RBFOX1: variants seen among roughly 807,000 people sequenced by gnomAD.
The protein encoded by RBFOX1 is RNA binding fox-1 homolog 1.
RBFOX1 carries 8 observed loss-of-function variants against 57.7 expected under a neutral mutation model. The ratio of observed to expected loss-of-function variants is 0.14; its 90% CI spans 0.08 to 0.25. The LOEUF (loss-of-function observed/expected upper bound fraction) is 0.25. RBFOX1 is among the 10% of genes least tolerant of loss of function. RBFOX1 has a pLI of 1.00. For missense variants in RBFOX1, 611 were observed against 548.5 expected, an observed-to-expected ratio of 1.11 and a Z score of -1.14; for synonymous variants, 326 against 222.4, an observed-to-expected ratio of 1.47 and a Z score of -4.15.
chr16:6,939,055 G>A (rs1217348562), intron 3 of RBFOX1, among the ~76,000 whole-genome samples: 1 of 152,148 alleles, frequency 6.6e-6, no homozygotes, highest in African/African-American at 2.4e-5. Flanking sequence ...GAATATCAAT[G>A]CTACCATGGG....
chr16:6,569,794 T>A (rs1229164151), intron 2 of RBFOX1, among the ~76,000 whole-genome samples: 1 of 152,184 alleles, frequency 6.6e-6, no homozygotes, highest in Non-Finnish European at 1.5e-5. Context: ...AGTGGCTGAA[T>A]TCCACGGCTG....
chr16:6,087,824 T>C (rs2096111110), intron 1 of RBFOX1, among the ~76,000 whole-genome samples: 1 of 152,168 alleles, frequency 6.6e-6, no homozygotes, highest in Non-Finnish European at 1.5e-5. Flanking sequence ...AGTTAATTTT[T>C]GTACTTTTAG....
chr16:7,672,811 G>A (rs2071925326), intron 13 of RBFOX1, among the ~76,000 whole-genome samples: 1 of 121,754 alleles, frequency 8.2e-6, no homozygotes, highest in Non-Finnish European at 1.6e-5. Context: ...AGATTGCAGT[G>A]AGCCGAGATT....
intron 3 of RBFOX1, among the ~76,000 whole-genome samples, chr16:7,017,340 C>T (rs551117006): frequency 4.3e-4 from 65 of 152,170 alleles, no homozygotes; most frequent in Non-Finnish European, 8.5e-4. Context: ...TCTATCTTGG[C>T]GGGTGCATAT....
chr16:7,030,241 A>G (rs2042442626), intron 3 of RBFOX1, among the ~76,000 whole-genome samples: 1 of 152,142 alleles, frequency 6.6e-6, no homozygotes, highest in East Asian at 1.9e-4. Context: ...AGTGACACAG[A>G]TGGGATGGAG....
intron 1 of RBFOX1, among the ~76,000 whole-genome samples, chr16:5,253,356 T>G (rs1406145225): frequency 6.6e-6 from 1 of 152,182 alleles, no homozygotes; most frequent in Non-Finnish European, 1.5e-5. Flanking sequence ...TTCACCATGT[T>G]GGCCAGGCTG....
chr16:7,099,579 C>T (rs777383792), intron 4 of RBFOX1, among the ~76,000 whole-genome samples: 1 of 152,136 alleles, frequency 6.6e-6, no homozygotes, highest in South Asian at 2.1e-4. Flanking sequence ...TAAGGTTGCA[C>T]CCTTGACACA....
chr16:6,971,093 T>A (rs778473512), intron 3 of RBFOX1, among the ~76,000 whole-genome samples: 105 of 152,274 alleles, frequency 6.9e-4, no homozygotes, highest in Non-Finnish European at 1.2e-3. Flanking sequence ...CCTGATTGGA[T>A]GGTAGTTATA....
chr16:6,615,056 C>T (rs944179700), intron 2 of RBFOX1, among the ~76,000 whole-genome samples: 1 of 152,174 alleles, frequency 6.6e-6, no homozygotes, highest in Admixed American at 6.5e-5. Flanking sequence ...GAGCCCTGTG[C>T]TGCAGACGAG....
At chr16:7,377,622 C>T (rs561039942) in intron 4 of RBFOX1, among the ~76,000 whole-genome samples, 21 of 152,242 alleles carry the variant, frequency 1.4e-4, no homozygotes, top group African/African-American at 4.6e-4. Flanking sequence ...AACTTTATAG[C>T]GCTTGAATGT....
chr16:6,289,807 C>A (rs534651434), intron 1 of RBFOX1, among the ~76,000 whole-genome samples: 77 of 152,156 alleles, frequency 5.1e-4, no homozygotes, highest in African/African-American at 1.8e-3. Flanking sequence ...GGAGTTAAGG[C>A]CATCAGTAAA....
intron 1 of RBFOX1, among the ~76,000 whole-genome samples, chr16:6,307,645 A>G (rs1252545126): frequency 6.8e-6 from 1 of 147,882 alleles, no homozygotes. Context: ...AATGATATTT[A>G]TGATTTATAT....
Position 6,896,172 on chromosome 16 carries a change from C to G in RBFOX1, c.-15-155885C>G, listed in dbSNP as rs138802109. Among the ~76,000 whole-genome samples the G allele has an allele frequency of 8.3e-3, 1,268 of 152,186 alleles. 15 individuals carry two copies. Among genetic ancestry groups the G allele is most frequent in the Non-Finnish European group, 1.0e-2 (677 of 68,020 alleles). ...TCTGTAATCCCAGCTACTCAGGAGG[C>G]TGAGGCAGGAGAATCACTTGAACCT... On this transcript the variant is annotated intron_variant, in intron 3 of 15. Coordinates refer to ENST00000550418, the MANE Select transcript of RBFOX1 (RefSeq NM_018723.4).
chr16:7,653,944 G>A lies in RBFOX1; in HGVS notation c.887G>A (p.Gly296Asp), dbSNP rs2065692772. Residue 296 changes from glycine to aspartate, a missense_variant, in exon 12 of 16, where the codon GGC becomes GAC. Gly to Asp is a moderately conservative substitution (Grantham distance 94, BLOSUM62 -1). This residue lies in a region of RBFOX1 where 267 missense variants were observed against 229.1 expected (regional missense o/e 1.17). Coordinates refer to ENST00000550418, the MANE Select transcript of RBFOX1 (RefSeq NM_018723.4). ...AAPPPPIPAY[G>D]GVVYQDGFYG... ...CCCCCGCCCCCGATCCCGGCCTACG[G>A]CGGGTAAGTGGGGCAGCCTCCTGGG... 6.6e-7 allele frequency: 1 copy of A among 1,521,066 alleles called. No individual in the cohort carries two copies. Among genetic ancestry groups the A allele is most frequent in the Non-Finnish European group, 8.8e-7 (1 of 1,142,022 alleles). The allele number at this position is 1,521,066 out of a possible 1,614,324, so 94.2% of individuals were successfully genotyped here.
In RBFOX1 at chr16:6,558,346, C is replaced by T. The variant is rs201124572; in HGVS notation, c.-63-96257C>T. On this transcript the variant is annotated intron_variant, in intron 2 of 15. Coordinates refer to ENST00000550418, the MANE Select transcript of RBFOX1 (RefSeq NM_018723.4). ...GCCGCTGCTGCTGCTGCTCCTGGCACCCCTGCTGAGATCAGCTCAGTGCAG... is the reference window on the plus strand; with the variant it reads ...GCCGCTGCTGCTGCTGCTCCTGGCATCCCTGCTGAGATCAGCTCAGTGCAG... Among the ~76,000 whole-genome samples, 9 of 152,244 alleles carry T rather than the reference C, an allele frequency of 5.9e-5. No homozygotes were observed. In the East Asian group the frequency reaches 1.7e-3, roughly 30 times the overall value.
At chr16:6,630,331 C>G (rs550827520) in intron 2 of RBFOX1, among the ~76,000 whole-genome samples, 11 of 152,238 alleles carry the variant, frequency 7.2e-5, no homozygotes, top group African/African-American at 2.2e-4. Flanking sequence ...ATTTCAAAAT[C>G]CATCCATCCA....
At chr16:6,106,968 G>T (rs1257897696) in intron 1 of RBFOX1, among the ~76,000 whole-genome samples, 1 of 152,134 alleles carries the variant, frequency 6.6e-6, no homozygotes, top group African/African-American at 2.4e-5. Flanking sequence ...ACCATGCCTG[G>T]CCACCCCTCC....
At position 5,366,288 on chromosome 16, in the gene RBFOX1, C is replaced by T. The variant is rs565096534; in HGVS notation, c.220-100928C>T. On this transcript the variant is annotated intron_variant, in intron 1 of 2. Coordinates refer to the RBFOX1 transcript ENST00000585867. ...TGCTGCCGATGAAGATGATGCTGGTCATGACGATTTTGATGATGATGAAGA... is the reference window on the plus strand; with the variant it reads ...TGCTGCCGATGAAGATGATGCTGGTTATGACGATTTTGATGATGATGAAGA... 1.0e-3 allele frequency: 367 copies of T among 368,614 alleles called. 2 individuals are homozygous for T. Among genetic ancestry groups the T allele is most frequent in the Non-Finnish European group, 1.4e-3 (263 of 190,840 alleles). The allele number at this position is 368,614 out of a possible 1,614,324, so 22.8% of individuals were successfully genotyped here.
intron 5 of RBFOX1, among the ~76,000 whole-genome samples, chr16:7,538,437 T>G (rs529828714): frequency 6.6e-6 from 1 of 152,308 alleles, no homozygotes; most frequent in Non-Finnish European, 1.5e-5. Flanking sequence ...CAACTTCTAT[T>G]ACTATTATAG....
Sources: allele counts gnomAD v4.1 joint callset (sites outside exome capture counted in the v4.1 genomes callset), GRCh38; gene constraint gnomAD v4.1.1; regional missense constraint gnomAD v4.1.1; transcripts MANE v1.5; gene names NCBI Gene and HGNC (gene_info 2026-07-23, HGNC 2026-07-21).